The following IMMP2L variants were observed in gnomAD, a reference collection of about 807,000 sequenced individuals.
The protein encoded by IMMP2L is mitochondrial inner membrane protease subunit 2.
In IMMP2L, 18 loss-of-function variants were observed where a neutral mutation model predicts 19.3. The ratio of observed to expected loss-of-function variants is 0.93; its 90% CI spans 0.64 to 1.38. The LOEUF (loss-of-function observed/expected upper bound fraction) is 1.38, where lower values mean the gene tolerates loss of function less well. Ranked by LOEUF, IMMP2L falls within the 40% of genes most tolerant of loss-of-function variation. The pLI is 0.00. For synonymous variants in IMMP2L, 76 were observed against 73.0 expected, an observed-to-expected ratio of 1.04 and a Z score of -0.21; for missense variants, 233 against 218.2, an observed-to-expected ratio of 1.07 and a Z score of -0.43.
intron 4 of IMMP2L, 148 bp from the exon 5 acceptor site, chr7:110,886,843 A>T (rs1048945435): frequency 8.0e-6 from 4 of 498,720 alleles, no homozygotes; most frequent in Admixed American, 3.7e-5. Context: ...TTTAAGGAAG[A>T]TGTGGTTAGA....
intron 3 of IMMP2L, among the ~76,000 whole-genome samples, chr7:111,137,887 TG>T (rs1305614247): frequency 6.6e-6 from 1 of 152,224 alleles, no homozygotes; most frequent in Non-Finnish European, 1.5e-5. Context: ...TACAGTGACA[TG>T]ATCTCAGCTC....
chr7:111,061,685 C>T (rs1191156017), intron 3 of IMMP2L, among the ~76,000 whole-genome samples: 1 of 152,166 alleles, frequency 6.6e-6, no homozygotes, highest in African/African-American at 2.4e-5. Flanking sequence ...TCTAAGAGGT[C>T]TTTTGGGCTC....
chr7:111,546,086 T>C (rs1342595608), intron 1 of IMMP2L, among the ~76,000 whole-genome samples: 2 of 152,108 alleles, frequency 1.3e-5, no homozygotes, highest in African/African-American at 4.8e-5. Flanking sequence ...AATATTTCAT[T>C]ATATATACTA....
intron 5 of IMMP2L, among the ~76,000 whole-genome samples, chr7:110,723,207 A>C (rs1795684000): frequency 6.6e-6 from 1 of 152,142 alleles, no homozygotes; most frequent in Non-Finnish European, 1.5e-5. Flanking sequence ...TTGTATTATG[A>C]TTGGGATTTT....
At chr7:111,425,460 C>T (rs747761802) in intron 3 of IMMP2L, among the ~76,000 whole-genome samples, 1 of 150,672 alleles carries the variant, frequency 6.6e-6, no homozygotes, top group Admixed American at 6.6e-5. Flanking sequence ...GTTAACAATA[C>T]GCATGTTGAA....
At chr7:110,983,183 A>G (rs1233673059) in intron 3 of IMMP2L, among the ~76,000 whole-genome samples, 1 of 152,094 alleles carries the variant, frequency 6.6e-6, no homozygotes, top group Non-Finnish European at 1.5e-5. Context: ...GGCTATTATT[A>G]TCTATAAAAC....
intron 3 of IMMP2L, among the ~76,000 whole-genome samples, chr7:111,004,719 A>G (rs936091568): frequency 5.9e-5 from 9 of 152,218 alleles, no homozygotes; most frequent in Middle Eastern, 3.4e-3. Context: ...CAGTTTCTAT[A>G]TGAGGCATGT....
chr7:110,862,499 C>A (rs911977646), intron 5 of IMMP2L, among the ~76,000 whole-genome samples: 1 of 151,240 alleles, frequency 6.6e-6, no homozygotes, highest in Non-Finnish European at 1.5e-5. Context: ...CTCCCAGGCC[C>A]GGCTAATTTT....
intron 3 of IMMP2L, among the ~76,000 whole-genome samples, chr7:111,381,571 A>C (rs760121152): frequency 5.3e-5 from 8 of 151,992 alleles, no homozygotes; most frequent in African/African-American, 1.9e-4. Context: ...TAGATGAAAA[A>C]CTGTGAGGAG....
chr7:111,544,829 C>T (rs1848777724), intron 1 of IMMP2L, among the ~76,000 whole-genome samples: 1 of 150,724 alleles, frequency 6.6e-6, no homozygotes, highest in Non-Finnish European at 1.5e-5. Flanking sequence ...ACTGGCTACC[C>T]TAAGAATGAA....
chr7:111,268,566 TCTC>T (rs143972632), intron 3 of IMMP2L, among the ~76,000 whole-genome samples: 1 of 123,078 alleles, frequency 8.1e-6, no homozygotes, highest in Non-Finnish European at 1.6e-5. Flanking sequence ...ACTTCACATT[TCTC>T]TTTTTTTTTT....
At chr7:111,111,948 T>G (rs987138662) in intron 3 of IMMP2L, among the ~76,000 whole-genome samples, 7 of 131,756 alleles carry the variant, frequency 5.3e-5, no homozygotes, top group East Asian at 2.1e-4. Flanking sequence ...GTTTGTTTTT[T>G]TTTTTTTTTT....
At chr7:111,006,953 T>C (rs1031223471) in intron 3 of IMMP2L, among the ~76,000 whole-genome samples, 3 of 152,116 alleles carry the variant, frequency 2.0e-5, no homozygotes, top group African/African-American at 7.2e-5. Flanking sequence ...TTCTATCATA[T>C]TTCTGACTTC....
At chr7:111,118,095 T>G (rs541387248) in intron 3 of IMMP2L, among the ~76,000 whole-genome samples, 68 of 152,264 alleles carry the variant, frequency 4.5e-4, no homozygotes, top group African/African-American at 1.6e-3. Context: ...TTCTCTCCTT[T>G]GTGCATCCAC....
At position 110,809,543 on chromosome 7, in the gene IMMP2L, T is replaced by A. The variant is rs534581792; in HGVS notation, c.408+77050A>T. 2.0e-5 allele frequency among the ~76,000 whole-genome samples: 3 copies of A among 152,084 alleles called. No homozygotes were observed. In the East Asian group the frequency reaches 5.8e-4, roughly 30 times the overall value. ...ATTGTATTATCTTTATAAAGAAAAGTTACCTAAAAGACTATGTTACATACT... is the reference window on the plus strand; with the variant it reads ...ATTGTATTATCTTTATAAAGAAAAGATACCTAAAAGACTATGTTACATACT... On this transcript the variant is annotated intron_variant, in intron 5 of 5. Coordinates refer to ENST00000405709, the MANE Select transcript of IMMP2L (RefSeq NM_032549.4).
chr7:110,723,286 A>G (rs1795689906), intron 5 of IMMP2L, among the ~76,000 whole-genome samples: 1 of 152,154 alleles, frequency 6.6e-6, no homozygotes, highest in Non-Finnish European at 1.5e-5. Flanking sequence ...AAAGATGACG[A>G]CTAGAAGTCA....
intron 3 of IMMP2L, among the ~76,000 whole-genome samples, chr7:111,054,203 T>C (rs540544644): frequency 6.6e-6 from 1 of 152,238 alleles, no homozygotes; most frequent in Non-Finnish European, 1.5e-5. Context: ...CATACATTGA[T>C]ATCTCAATTT....
chr7:111,259,983 G>A (rs941472884), intron 3 of IMMP2L, among the ~76,000 whole-genome samples: 10 of 152,056 alleles, frequency 6.6e-5, no homozygotes, highest in African/African-American at 2.4e-4. Flanking sequence ...GCAAAAACAT[G>A]CATGGAGCTG....
At chr7:111,394,886 T>A (rs74669963) in intron 3 of IMMP2L, 4,372 of 233,974 alleles carry the variant, frequency 0.019, 89 homozygotes, top group Middle Eastern at 0.059. Context: ...CTTTTCAGGC[T>A]ACTCGACATG....
Sources: allele counts gnomAD v4.1 joint callset (sites outside exome capture counted in the v4.1 genomes callset), GRCh38; gene constraint gnomAD v4.1.1; transcripts MANE v1.5; gene names NCBI Gene and HGNC (gene_info 2026-07-23, HGNC 2026-07-21).